The following RHOD variants were observed in gnomAD, a reference collection of about 807,000 sequenced individuals.
RHOD encodes ras homolog family member D.
Under a neutral mutation model 16.7 loss-of-function variants are expected in RHOD, and 11 were observed. The observed-to-expected ratio is 0.66, with a 90% CI of 0.41 to 1.09. The LOEUF (loss-of-function observed/expected upper bound fraction) is 1.09, where lower values mean the gene tolerates loss of function less well. Among genes scored for constraint, RHOD ranks in the 50% least tolerant of loss-of-function variants. The pLI is 0.00. For synonymous variants in RHOD, 124 were observed against 126.3 expected (o/e 0.98, Z 0.12); for missense variants, 271 against 291.7 (o/e 0.93, Z 0.52).
At chr11:67,063,490 C>CT (rs1233216193) in intron 1 of RHOD, among the ~76,000 whole-genome samples, 414 of 125,130 alleles carry the variant, frequency 3.3e-3, no homozygotes, top group Middle Eastern at 0.015. Context: ...GAGACCCTAT[C>CT]TTTTTTTTTT....
chr11:67,068,477 G>A (rs977592339), intron 3 of RHOD, among the ~76,000 whole-genome samples: 2 of 152,090 alleles, frequency 1.3e-5, no homozygotes, highest in African/African-American at 4.8e-5. Context: ...TGATGCCCAG[G>A]GTCGGGGTTA....
At chr11:67,061,761 T>TAA (rs1854891829) in intron 1 of RHOD, among the ~76,000 whole-genome samples, 7 of 141,042 alleles carry the variant, frequency 5.0e-5, no homozygotes, top group Admixed American at 2.9e-4. Flanking sequence ...AAAAAATATA[T>TAA]ATATATATAT....
chr11:67,071,123 G>A (rs766683903), intron 4 of RHOD, among the ~76,000 whole-genome samples: 3 of 152,070 alleles, frequency 2.0e-5, no homozygotes, highest in Admixed American at 6.6e-5. Flanking sequence ...TGTAGTCCTA[G>A]CTACTCTGGA....
At chr11:67,061,554 C>T (rs1222861112) in intron 1 of RHOD, among the ~76,000 whole-genome samples, 1 of 150,402 alleles carries the variant, frequency 6.6e-6, no homozygotes. Context: ...ATCGCTTGAA[C>T]CTGGGAGGCA....
intron 4 of RHOD, among the ~76,000 whole-genome samples, chr11:67,071,111 C>T (rs1201053201): frequency 1.3e-5 from 2 of 151,996 alleles, no homozygotes; most frequent in African/African-American, 4.8e-5. Context: ...GTGGCGGGTG[C>T]CTGTAGTCCT....
At chr11:67,059,660 C>T (rs1302441044) in intron 1 of RHOD, among the ~76,000 whole-genome samples, 1 of 152,118 alleles carries the variant, frequency 6.6e-6, no homozygotes, top group African/African-American at 2.4e-5. Context: ...GAGTCCAGAA[C>T]CCAGAGGCTT....
At chr11:67,069,161 T>C (rs944505076) in intron 3 of RHOD, among the ~76,000 whole-genome samples, 5 of 151,718 alleles carry the variant, frequency 3.3e-5, no homozygotes, top group Non-Finnish European at 5.9e-5. Flanking sequence ...GCAAGTTTCA[T>C]GCCCAAACCA....
intron 2 of RHOD, 144 bp from the exon 3 acceptor site, chr11:67,066,594 G>A (rs1184983350): frequency 3.0e-6 from 2 of 670,552 alleles, no homozygotes; most frequent in East Asian, 2.6e-5. Flanking sequence ...CCACCTCAGA[G>A]CCAAATTTGT....
At chr11:67,058,199 C>T (rs1369888009) in intron 1 of RHOD, among the ~76,000 whole-genome samples, 5 of 151,932 alleles carry the variant, frequency 3.3e-5, no homozygotes, top group Admixed American at 1.3e-4. Flanking sequence ...ATTTTTGAGA[C>T]GGAGTCTCGC....
intron 1 of RHOD, among the ~76,000 whole-genome samples, chr11:67,060,946 C>G (rs894194010): frequency 2.0e-5 from 3 of 152,258 alleles, no homozygotes; most frequent in Admixed American, 1.3e-4. Flanking sequence ...GGCCCCTACT[C>G]TAGGACAAAG....
chr11:67,062,720 G>T (rs1465601035), intron 1 of RHOD, among the ~76,000 whole-genome samples: 1 of 152,188 alleles, frequency 6.6e-6, no homozygotes, highest in Non-Finnish European at 1.5e-5. Flanking sequence ...GCAGGCAGGC[G>T]TGAAATTCTC....
intron 1 of RHOD, 148 bp from the exon 2 acceptor site, chr11:67,065,748 C>T (rs1237687113): frequency 1.2e-5 from 7 of 592,094 alleles, no homozygotes; most frequent in South Asian, 4.1e-5. Context: ...GGCTCTAGGC[C>T]GCCACCCCAG....
chr11:67,071,161 C>A (rs905071979), intron 4 of RHOD, among the ~76,000 whole-genome samples: 1 of 152,056 alleles, frequency 6.6e-6, no homozygotes, highest in Admixed American at 6.6e-5. Flanking sequence ...CACTTGAACC[C>A]GGTTGGAGGA....
Position 67,061,759 on chromosome 11 carries a change from T to A in RHOD, c.133-4137T>A, listed in dbSNP as rs1282826758. ...CTCTCTAAAAAAAAAAAAAAAAATA[T>A]ATATATATATATATATGTGTGTGTG... On this transcript the variant is annotated intron_variant, in intron 1 of 4. Transcript: ENST00000308831. Among the ~76,000 whole-genome samples the A allele has an allele frequency of 7.9e-3, 1,074 of 136,318 alleles. 8 individuals are homozygous for A. Among genetic ancestry groups the A allele is most frequent in the East Asian group, 0.024 (112 of 4,710 alleles). 89.4% of individuals were successfully genotyped at this position (136,318 alleles called of 152,430 possible).
In RHOD at chr11:67,057,030, C is replaced by G. The variant is rs1024456344; in HGVS notation, c.128C>G (p.Pro43Arg). 6.8e-6 allele frequency: 10 copies of G among 1,481,068 alleles called. No individual in the cohort carries two copies. The African/African-American group carries it at 1.0e-4, about 15-fold the overall frequency. 91.7% of individuals were successfully genotyped at this position (1,481,068 alleles called of 1,614,324 possible). Residue 43 changes from proline to arginine, a missense_variant, in exon 1 of 5, where the codon CCC becomes CGC. Transcript: ENST00000308831. ...ATGGTCTTCGCCGATGGGGCCTTCC[C>G]CGAGGTGAGTGCCCCGCGCCTCCGC... is the stretch of plus-strand genomic sequence containing the variant. ...LLMVFADGAF[P>R]ESYTPTVFER...
rs536466716 is a variant in RHOD, at chr11:67,070,495, G to T, written c.401G>T (p.Arg134Leu). 5 of 1,614,036 alleles carry T rather than the reference G, an allele frequency of 3.1e-6. No homozygotes were observed. The highest frequency in any genetic ancestry group is 4.2e-6 in the Non-Finnish European group (5 of 1,180,004). ...IIVVGCKTDL[R>L]KDKSLVNKLR... ...GTCGTGGGCTGCAAGACTGACCTGCGCAAGGACAAATCACTGGTGAACAAG... is the reference window on the plus strand; with the variant it reads ...GTCGTGGGCTGCAAGACTGACCTGCTCAAGGACAAATCACTGGTGAACAAG... The change falls in exon 4 of 5, where the codon CGC (arginine) becomes CTC (leucine). Residue 134 changes from arginine to leucine, a missense_variant. Transcript: ENST00000308831.
At chr11:67,057,061 C>T in intron 1 of RHOD, 27 bp downstream of exon 1, 1 of 1,414,786 alleles carries the variant, frequency 7.1e-7, no homozygotes, top group South Asian at 1.5e-5. Context: ...TCCGCCTCGC[C>T]CGGTTCCGCT....
chr11:67,057,801 G>T (rs183682357), intron 1 of RHOD, among the ~76,000 whole-genome samples: 4 of 152,318 alleles, frequency 2.6e-5, no homozygotes, highest in Admixed American at 2.6e-4. Flanking sequence ...GAGCCCAGGG[G>T]AGGCTGACAG....
chr11:67,063,510 A>T (rs1427364043), intron 1 of RHOD, among the ~76,000 whole-genome samples: 105 of 142,190 alleles, frequency 7.4e-4, no homozygotes, highest in East Asian at 4.4e-4. Context: ...TTTTTTTTTA[A>T]AAAAAGGCCA....
Sources: gnomAD v4.1 joint callset for allele counts (sites outside exome capture counted in the v4.1 genomes callset) on GRCh38, gnomAD v4.1.1 for gene constraint, MANE v1.5 for transcripts, NCBI Gene and HGNC (gene_info 2026-07-23, HGNC 2026-07-21) for gene names.